Variants in FABP1 observed in about 807,000 individuals in gnomAD.
FABP1 encodes the protein fatty acid binding protein 1, also known as fatty acid-binding protein, liver.
Under a neutral mutation model 13.7 loss-of-function variants are expected in FABP1, and 13 were observed. The observed-to-expected ratio is 0.95, with a 90% CI of 0.62 to 1.51. FABP1 has a LOEUF of 1.51. Among genes scored for constraint, FABP1 ranks in the 40% most tolerant of loss-of-function variants. The pLI, the probability that FABP1 is intolerant of heterozygous loss-of-function variation, is 0.00. For synonymous variants in FABP1, 48 were observed against 59.8 expected, an observed-to-expected ratio of 0.80 and a Z score of 0.91; for missense variants, 140 against 155.7, an observed-to-expected ratio of 0.90 and a Z score of 0.54.
chr2:88,127,826 T>C lies in FABP1; in HGVS notation c.67+125A>G, dbSNP rs1255751318. ...CTCCAGAAGTCAGTAAAATGCCCCC[T>C]AGTTTGTGTATATAGCCTGAATCTC... On this transcript the variant is annotated intron_variant, in intron 1 of 3. Transcript: ENST00000295834. 3 of 975,490 alleles carry C rather than the reference T, an allele frequency of 3.1e-6. No individual in the cohort carries two copies. In the East Asian group the frequency reaches 7.2e-5, roughly 23 times the overall value. 60.4% of individuals were successfully genotyped at this position (975,490 alleles called of 1,614,324 possible).
At position 88,125,241 on chromosome 2, in the gene FABP1, C is replaced by A. The variant is rs183347964; in HGVS notation, c.241-655G>T. The stretch of plus-strand genomic sequence containing the variant: ...CCCTGGGCAACATTAAACATTTTGC[C>A]TCCAAAAAGAAAATTTGGAAAAGGC... On this transcript the variant is annotated intron_variant, in intron 2 of 3. Coordinates refer to ENST00000295834, the MANE Select transcript of FABP1 (RefSeq NM_001443.3). Among the ~76,000 whole-genome samples the A allele has an allele frequency of 4.6e-5, 7 of 152,244 alleles. No homozygotes were observed. The East Asian group carries it at 1.4e-3, about 29-fold the overall frequency.
At chr2:88,123,244 G>T (rs2104033183) in intron 3 of FABP1, 140 bp from the exon 4 acceptor site, 1 of 671,976 alleles carries the variant, frequency 1.5e-6, no homozygotes, top group East Asian at 2.8e-5. Flanking sequence ...AATTCGTCTG[G>T]TTTCCTGTAG....
At chr2:88,126,431 A>G in intron 1 of FABP1, 83 bp from the exon 2 acceptor site, 1 of 1,384,022 alleles carries the variant, frequency 7.2e-7, no homozygotes, top group Non-Finnish European at 1.0e-6. Context: ...AAACGACATG[A>G]CATGGAGGGA....
At chr2:88,126,014 T>G in intron 2 of FABP1, 162 bp downstream of exon 2, 1 of 711,764 alleles carries the variant, frequency 1.4e-6, no homozygotes, top group Non-Finnish European at 2.3e-6. Context: ...CTCTATAAGA[T>G]TCTTCCCTAA....
intron 2 of FABP1, among the ~76,000 whole-genome samples, chr2:88,125,744 C>A (rs1675284574): frequency 6.6e-6 from 1 of 152,230 alleles, no homozygotes; most frequent in Non-Finnish European, 1.5e-5. Context: ...CAAGAAGTCT[C>A]TCCCTATCAC....
chr2:88,127,158 T>C (rs1675313396), intron 1 of FABP1, among the ~76,000 whole-genome samples: 1 of 152,106 alleles, frequency 6.6e-6, no homozygotes, highest in African/African-American at 2.4e-5. Flanking sequence ...GCCTGGAGCA[T>C]GCTCCCTGCC....
Position 88,127,998 on chromosome 2 carries a change from T to G in FABP1, c.20A>C (p.Tyr7Ser). 1.4e-5 allele frequency: 23 copies of G among 1,614,220 alleles called. No homozygotes were observed. Among genetic ancestry groups the G allele is most frequent in the Non-Finnish European group, 1.9e-5 (23 of 1,180,020 alleles). The change falls in exon 1 of 4, where the codon TAC (tyrosine) becomes TCC (serine). Residue 7 changes from tyrosine to serine, a missense_variant. Transcript: ENST00000295834. MSFSGKYQLQSQENFEA... is the reference protein window; with the variant it reads MSFSGKSQLQSQENFEA... Reference sequence around the variant, plus strand: ...AAAGTTTTCCTGGCTCTGCAGTTGGTACTTGCCGGAGAAACTCATGGTGGC... The same window carrying G: ...AAAGTTTTCCTGGCTCTGCAGTTGGGACTTGCCGGAGAAACTCATGGTGGC...
At chr2:88,126,888 C>T (rs1382665971) in intron 1 of FABP1, 1 of 153,630 alleles carries the variant, frequency 6.5e-6, no homozygotes, top group African/African-American at 2.4e-5. Flanking sequence ...TGGGATAGAG[C>T]TTTACCAGTT....
intron 1 of FABP1, 54 bp from the exon 2 acceptor site, chr2:88,126,402 C>G: frequency 6.4e-7 from 1 of 1,566,980 alleles, no homozygotes; most frequent in Non-Finnish European, 8.8e-7. Context: ...GTTTCATGAC[C>G]GTGGTAGGTA....
chr2:88,125,233 C>T (rs1344796276), intron 2 of FABP1, among the ~76,000 whole-genome samples: 1 of 152,138 alleles, frequency 6.6e-6, no homozygotes, highest in African/African-American at 2.4e-5. Flanking sequence ...CAACATTAAA[C>T]ATTTTGCCTC....
intron 1 of FABP1, among the ~76,000 whole-genome samples, chr2:88,127,131 C>T (rs543338903): frequency 6.6e-6 from 1 of 152,054 alleles, no homozygotes; most frequent in Non-Finnish European, 1.5e-5. Flanking sequence ...ACACCCTTTG[C>T]TTATAGGGCT....
In FABP1 at chr2:88,126,351, G is replaced by A. The variant is rs1675296937; in HGVS notation, c.68-3C>T. 2 of 1,611,926 alleles carry A rather than the reference G, an allele frequency of 1.2e-6. No homozygotes were observed. The highest frequency in any genetic ancestry group is 8.5e-7 in the Non-Finnish European group (1 of 1,178,306). On this transcript the variant is annotated splice_region_variant and splice_polypyrimidine_tract_variant and intron_variant, in intron 1 of 3. Coordinates refer to ENST00000295834, the MANE Select transcript of FABP1 (RefSeq NM_001443.3). ...CTGGATGAGCTCTTCCGGCAGACCT[G>A]GTGGAAACCGTCTGAGGTTTAGATA...
chr2:88,125,391 A>G (rs967643364), intron 2 of FABP1, among the ~76,000 whole-genome samples: 1 of 152,150 alleles, frequency 6.6e-6, no homozygotes, highest in Non-Finnish European at 1.5e-5. Context: ...AAAAGCAAAC[A>G]CGCCCAGCCC....
At chr2:88,126,391 A>T (rs749797463) in intron 1 of FABP1, 43 bp from the exon 2 acceptor site, 2 of 1,587,390 alleles carry the variant, frequency 1.3e-6, no homozygotes, top group East Asian at 2.3e-5. Flanking sequence ...CAGAGGTGGG[A>T]GTTTCATGAC....
intron 1 of FABP1, among the ~76,000 whole-genome samples, chr2:88,126,927 T>A (rs2919871): frequency 0.26 from 40,142 of 152,110 alleles, 5,529 homozygotes; most frequent in African/African-American, 0.31. Context: ...GTTATACAAA[T>A]TGAGGTTCAC....
Position 88,124,526 on chromosome 2 carries a change from C to T in FABP1, c.301G>A (p.Val101Met). 6.2e-7 allele frequency: 1 copy of T among 1,609,586 alleles called. No individual in the cohort carries two copies. Among genetic ancestry groups the T allele is most frequent in the Non-Finnish European group, 8.5e-7 (1 of 1,178,100 alleles). Residue 101 changes from valine to methionine, a missense_variant, in exon 3 of 4, where the codon GTG (valine) becomes ATG (methionine). By Grantham distance (21) the Val-to-Met change is conservative. Transcript: ENST00000295834. ...ATTATGTCGCCGTTGAGTTCGGTCA[C>T]AGACTTGATGTTTTTGAAAGTTGTC... ...LVTTFKNIKS[V>M]TELNGDIITN... is the part of the protein sequence containing the mutation.
chr2:88,125,886 A>C, intron 2 of FABP1: 2 of 277,234 alleles, frequency 7.2e-6, no homozygotes, highest in Non-Finnish European at 1.4e-5. Context: ...GCCTGGGAGA[A>C]CCTGAGACTT....
intron 1 of FABP1, 123 bp from the exon 2 acceptor site, chr2:88,126,471 C>T: frequency 1.0e-6 from 1 of 976,636 alleles, no homozygotes; most frequent in Non-Finnish European, 1.6e-6. Flanking sequence ...TCCCAAGGGG[C>T]CACAGAAACT....
At chr2:88,125,944 G>A (rs1675288032) in intron 2 of FABP1, 1 of 420,254 alleles carries the variant, frequency 2.4e-6, no homozygotes, top group Non-Finnish European at 4.3e-6. Context: ...ATATGGGAGA[G>A]CTCAGACTTT....
Sources: gnomAD v4.1 joint callset for allele counts (sites outside exome capture counted in the v4.1 genomes callset) on GRCh38, gnomAD v4.1.1 for gene constraint, MANE v1.5 for transcripts, NCBI Gene and HGNC (gene_info 2026-07-23, HGNC 2026-07-21) for gene names.